The following SGCZ variants were observed in gnomAD, a reference collection of about 807,000 sequenced individuals.
SGCZ encodes zeta-sarcoglycan.
In SGCZ, 40 loss-of-function variants were observed where a neutral mutation model predicts 41.3. That is an observed-to-expected ratio of 0.97 (90% confidence interval 0.75 to 1.26). The LOEUF is 1.26. SGCZ is among the 50% of genes most tolerant of loss of function. SGCZ has a pLI of 0.00. For synonymous variants in SGCZ, 206 were observed against 137.5 expected (o/e 1.50, Z -3.49); for missense variants, 552 against 369.8 (o/e 1.49, Z -4.04).
At chr8:14,179,166 G>A (rs961622163) in intron 4 of SGCZ, among the ~76,000 whole-genome samples, 3 of 152,186 alleles carry the variant, frequency 2.0e-5, no homozygotes, top group Non-Finnish European at 4.4e-5. Flanking sequence ...AAATTGTCAG[G>A]TCAGCCCAAA....
intron 1 of SGCZ, among the ~76,000 whole-genome samples, chr8:15,058,506 T>TA (rs1048117131): frequency 5.9e-5 from 9 of 152,216 alleles, no homozygotes; most frequent in Non-Finnish European, 7.3e-5. Flanking sequence ...TAACAAATCT[T>TA]AAAAATCTTA....
intron 2 of SGCZ, among the ~76,000 whole-genome samples, chr8:14,541,455 C>T (rs1257221546): frequency 6.6e-6 from 1 of 151,984 alleles, no homozygotes; most frequent in Non-Finnish European, 1.5e-5. Flanking sequence ...CACCCATGTC[C>T]CCGCAAAGGA....
chr8:15,107,268 G>C (rs1330539378), intron 1 of SGCZ, among the ~76,000 whole-genome samples: 1 of 152,122 alleles, frequency 6.6e-6, no homozygotes, highest in Non-Finnish European at 1.5e-5. Flanking sequence ...CATTAAAGTT[G>C]TGCTGTGGTT....
chr8:14,509,194 A>C (rs80350475), intron 2 of SGCZ, among the ~76,000 whole-genome samples: 7,338 of 152,222 alleles, frequency 0.048, 263 homozygotes, highest in Non-Finnish European at 0.076. Context: ...AAAGCTTCTA[A>C]ACTTAATACC....
chr8:14,188,537 G>A, intron 4 of SGCZ, among the ~76,000 whole-genome samples: 1 of 152,154 alleles, frequency 6.6e-6, no homozygotes, highest in African/African-American at 2.4e-5. Flanking sequence ...ATTGCCTAGA[G>A]GGGTGGGACA....
At chr8:14,159,801 C>G (rs1234273452) in intron 5 of SGCZ, among the ~76,000 whole-genome samples, 1 of 152,128 alleles carries the variant, frequency 6.6e-6, no homozygotes, top group African/African-American at 2.4e-5. Context: ...GAGTCCAAAG[C>G]TGACCCCATC....
chr8:14,662,004 A>G (rs1407083623), intron 1 of SGCZ, among the ~76,000 whole-genome samples: 1 of 152,212 alleles, frequency 6.6e-6, no homozygotes. Flanking sequence ...TTATATTATT[A>G]TACCAAAAGA....
chr8:15,095,834 C>A (rs770704878), intron 1 of SGCZ, among the ~76,000 whole-genome samples: 1 of 152,100 alleles, frequency 6.6e-6, no homozygotes, highest in Non-Finnish European at 1.5e-5. Context: ...ATAAATTCAA[C>A]AAGTTATGTT....
chr8:14,609,662 G>T (rs1210490560), intron 1 of SGCZ, among the ~76,000 whole-genome samples: 1 of 152,166 alleles, frequency 6.6e-6, no homozygotes, highest in East Asian at 1.9e-4. Flanking sequence ...GGGACCAAGG[G>T]AGAGGGAAGG....
intron 3 of SGCZ, among the ~76,000 whole-genome samples, chr8:14,240,433 G>T (rs146926254): frequency 2.6e-4 from 39 of 151,322 alleles, no homozygotes; most frequent in African/African-American, 9.2e-4. Context: ...TAACCGCAGA[G>T]AATTTGTTGA....
At chr8:14,504,749 G>T (rs1047766213) in intron 2 of SGCZ, among the ~76,000 whole-genome samples, 3 of 152,002 alleles carry the variant, frequency 2.0e-5, no homozygotes, top group Non-Finnish European at 4.4e-5. Flanking sequence ...TGGCACTTCT[G>T]CTTTCTTCTG....
intron 2 of SGCZ, among the ~76,000 whole-genome samples, chr8:14,424,475 A>C (rs1415722779): frequency 1.3e-5 from 2 of 152,170 alleles, no homozygotes; most frequent in East Asian, 3.8e-4. Context: ...CATTATAAAA[A>C]GCTTATTTTT....
chr8:14,133,591 C>T (rs1025689209), intron 5 of SGCZ, among the ~76,000 whole-genome samples: 1 of 152,094 alleles, frequency 6.6e-6, no homozygotes, highest in African/African-American at 2.4e-5. Flanking sequence ...GCCATAGAGC[C>T]AGGAACAGGA....
chr8:14,196,264 A>ATT (rs61326421), intron 4 of SGCZ, among the ~76,000 whole-genome samples: 1,480 of 148,000 alleles, frequency 0.01, 14 homozygotes, highest in African/African-American at 0.025. Flanking sequence ...AATTAGAGTA[A>ATT]TTTTTTTTTT....
At chr8:14,886,013 ATATATATATATATATATAT>A (rs1804785827) in intron 1 of SGCZ, among the ~76,000 whole-genome samples, 3 of 121,066 alleles carry the variant, frequency 2.5e-5, no homozygotes, top group African/African-American at 9.1e-5. Flanking sequence ...ATATATATAT[ATATATATATATATATATAT>A]ATAAAATTGT....
intron 2 of SGCZ, among the ~76,000 whole-genome samples, chr8:14,510,901 T>A (rs1030572040): frequency 6.6e-6 from 1 of 152,110 alleles, no homozygotes; most frequent in Admixed American, 6.6e-5. Context: ...AATATAGGCA[T>A]CAATGAAGAT....
chr8:14,904,270 G>C (rs1209253741), intron 1 of SGCZ, among the ~76,000 whole-genome samples: 1 of 151,932 alleles, frequency 6.6e-6, no homozygotes, highest in Non-Finnish European at 1.5e-5. Flanking sequence ...CCATCCCTGT[G>C]GTCGTTCCTG....
intron 1 of SGCZ, among the ~76,000 whole-genome samples, chr8:15,088,358 G>A (rs907452822): frequency 2.6e-5 from 4 of 151,944 alleles, no homozygotes; most frequent in African/African-American, 7.2e-5. Flanking sequence ...ATTTTCTACT[G>A]TCCAATTACA....
At chr8:14,711,383 A>T (rs1014540657) in intron 1 of SGCZ, among the ~76,000 whole-genome samples, 1 of 148,786 alleles carries the variant, frequency 6.7e-6, no homozygotes, top group Non-Finnish European at 1.5e-5. Flanking sequence ...TGAGATCAGG[A>T]GTTCGAGACC....
Sources: allele counts gnomAD v4.1 joint callset (sites outside exome capture counted in the v4.1 genomes callset), GRCh38; gene constraint gnomAD v4.1.1; transcripts MANE v1.5; gene names NCBI Gene and HGNC (gene_info 2026-07-23, HGNC 2026-07-21).